The following MYH10 variants were observed in gnomAD, a reference collection of about 807,000 sequenced individuals.
MYH10 encodes the protein myosin heavy chain 10.
MYH10 carries 55 observed loss-of-function variants against 257.8 expected under a neutral mutation model. The observed-to-expected ratio is 0.21, with a 90% confidence interval of 0.17 to 0.27. The LOEUF is 0.27. Among genes scored for constraint, MYH10 ranks in the 10% least tolerant of loss-of-function variants. MYH10 has a pLI of 1.00. For missense variants in MYH10, 1,631 were observed against 2,500.6 expected, an observed-to-expected ratio of 0.65 and a Z score of 7.42; for synonymous variants, 854 against 921.7, an observed-to-expected ratio of 0.93 and a Z score of 1.33.
At chr17:8,548,050 T>G (rs1206929263) in intron 11 of MYH10, among the ~76,000 whole-genome samples, 1 of 152,058 alleles carries the variant, frequency 6.6e-6, no homozygotes, top group African/African-American at 2.4e-5. Flanking sequence ...TGTGACCTCC[T>G]GCGGCTGAGT....
intron 1 of MYH10, among the ~76,000 whole-genome samples, chr17:8,629,245 GCCAAAGTATTATGTTTGGTATTA>G (rs1461690325): frequency 6.6e-6 from 1 of 152,202 alleles, no homozygotes; most frequent in African/African-American, 2.4e-5. Flanking sequence ...TCTCAGCAAA[GCCAAAGTATTATGTTTGGTATTA>G]CATTATTCAG....
At position 8,475,958 on chromosome 17, in the gene MYH10, A is replaced by G; in HGVS notation, c.5880-10T>C. The G allele has an allele frequency of 6.2e-7, 1 of 1,611,228 alleles. No individual in the cohort carries two copies. The highest frequency in any genetic ancestry group is 8.5e-7 in the Non-Finnish European group (1 of 1,179,394). On this transcript the variant is annotated splice_polypyrimidine_tract_variant and intron_variant, in intron 42 of 42. Coordinates refer to ENST00000360416, the MANE Select transcript of MYH10 (RefSeq NM_001256012.3). ...GATGGGGCCACCCCGCCTGGAGAAC[A>G]CAGGAAGCAGATGTGTGTGGGTAAA...
intron 34 of MYH10, among the ~76,000 whole-genome samples, chr17:8,491,505 G>A (rs1268039299): frequency 1.3e-5 from 2 of 152,226 alleles, no homozygotes; most frequent in Admixed American, 1.3e-4. Context: ...ATGGCCCATA[G>A]CACATGAAAA....
intron 7 of MYH10, among the ~76,000 whole-genome samples, chr17:8,565,428 A>G (rs996146770): frequency 6.6e-6 from 1 of 152,244 alleles, no homozygotes; most frequent in Non-Finnish European, 1.5e-5. Context: ...TACTGAGATC[A>G]ACTACTTGTT....
chr17:8,480,630 C>T, intron 38 of MYH10, 105 bp from the exon 39 acceptor site: 1 of 1,479,252 alleles, frequency 6.8e-7, no homozygotes, highest in African/African-American at 1.4e-5. Flanking sequence ...CCTGAGCAGC[C>T]ATCCTGAATT....
At position 8,484,179 on chromosome 17, in the gene MYH10, T is replaced by C; in HGVS notation, c.5134A>G (p.Lys1712Glu). The C allele has an allele frequency of 2.5e-6, 4 of 1,609,586 alleles. No individual in the cohort carries two copies. The highest frequency in any genetic ancestry group is 3.4e-6 in the Non-Finnish European group (4 of 1,178,670). ...IFAQSKESEK[K>E]LKSLEAEILQ... is the part of the protein sequence containing the mutation. ...ATTTCTGCTTCCAGACTCTTCAATT[T>C]CTTTTCACTCTCTTTGGATTGAGCA... The change falls in exon 37 of 43, where the codon AAA becomes GAA. Residue 1712 changes from lysine to glutamate, a missense_variant. By Grantham distance (56) the Lys-to-Glu change is moderately conservative. This residue lies in a region of MYH10 where 6 missense variants were observed against 20.5 expected (regional missense o/e 0.29). Coordinates refer to ENST00000360416, the MANE Select transcript of MYH10 (RefSeq NM_001256012.3).
At chr17:8,491,622 GC>G (rs1915791174) in intron 34 of MYH10, among the ~76,000 whole-genome samples, 1 of 152,190 alleles carries the variant, frequency 6.6e-6, no homozygotes, top group Admixed American at 6.5e-5. Context: ...GGAAACTTAG[GC>G]TTCAAAAGCT....
At chr17:8,560,954 G>C in intron 7 of MYH10, 2 of 473,254 alleles carry the variant, frequency 4.2e-6, no homozygotes, top group Non-Finnish European at 3.9e-6. Flanking sequence ...TGCCAACTGC[G>C]GACAACTCTA....
chr17:8,524,100 AG>A (rs1263079270), intron 17 of MYH10, among the ~76,000 whole-genome samples: 1 of 152,028 alleles, frequency 6.6e-6, no homozygotes, highest in Admixed American at 6.6e-5. Context: ...AAAGAGATGG[AG>A]GGCCTAAGAC....
intron 7 of MYH10, among the ~76,000 whole-genome samples, chr17:8,559,717 A>G (rs549695588): frequency 2.4e-4 from 36 of 152,232 alleles, no homozygotes; most frequent in Admixed American, 2.2e-3. Context: ...GTTTTTTGGA[A>G]GACCCCTAAG....
chr17:8,503,214 C>T (rs2080960108), intron 28 of MYH10, among the ~76,000 whole-genome samples: 1 of 152,116 alleles, frequency 6.6e-6, no homozygotes, highest in East Asian at 1.9e-4. Context: ...ACCCGGGAGG[C>T]GGAGGTTGCA....
chr17:8,566,069 TTGGCC>T (rs2083158354), intron 7 of MYH10, among the ~76,000 whole-genome samples: 1 of 152,164 alleles, frequency 6.6e-6, no homozygotes, highest in Admixed American at 6.5e-5. Flanking sequence ...AGCAGCATCC[TTGGCC>T]TCTACCAACT....
intron 3 of MYH10, among the ~76,000 whole-genome samples, chr17:8,602,697 G>C (rs1057301968): frequency 6.6e-6 from 1 of 152,140 alleles, no homozygotes; most frequent in African/African-American, 2.4e-5. Flanking sequence ...CTTTCACATG[G>C]AGGTTTATTA....
chr17:8,558,662 T>C (rs561884910), intron 7 of MYH10, among the ~76,000 whole-genome samples: 6 of 152,382 alleles, frequency 3.9e-5, no homozygotes, highest in Admixed American at 2.6e-4. Flanking sequence ...CCCTTCTCTC[T>C]TCTGCCAGTA....
chr17:8,630,253 G>A (rs2085861878), intron 1 of MYH10, among the ~76,000 whole-genome samples: 1 of 148,340 alleles, frequency 6.7e-6, no homozygotes, highest in Admixed American at 6.7e-5. Context: ...TCGACCTCGC[G>A]CCCCCAGGGA....
chr17:8,524,917 T>C (rs1199339812), intron 17 of MYH10, among the ~76,000 whole-genome samples: 1 of 152,198 alleles, frequency 6.6e-6, no homozygotes, highest in Non-Finnish European at 1.5e-5. Context: ...TGGGTGATTC[T>C]GGGGCAAGTG....
Position 8,512,503 on chromosome 17 carries a change from T to C in MYH10, c.2900A>G (p.Glu967Gly). The C allele has an allele frequency of 1.9e-6, 3 of 1,594,922 alleles. No individual in the cohort carries two copies. Among genetic ancestry groups the C allele is most frequent in the Non-Finnish European group, 2.6e-6 (3 of 1,167,302 alleles). ...TTCATTTTGGAGGATTTGGTTTCTT[T>C]CTTCTTCTTCTTCAACCCTAGACTC... is the stretch of plus-strand genomic sequence containing the variant. ...DLESRVEEEEERNQILQNEKK... is the reference protein window; with the variant it reads ...DLESRVEEEEGRNQILQNEKK... The change falls in exon 24 of 43, where the codon GAA becomes GGA. Residue 967 changes from glutamate (E) to glycine (G), a missense_variant. Glu to Gly is a moderately conservative substitution (Grantham distance 98, BLOSUM62 -2). Coordinates refer to ENST00000360416, the MANE Select transcript of MYH10 (RefSeq NM_001256012.3).
intron 23 of MYH10, 27 bp downstream of exon 23, chr17:8,513,511 T>G: frequency 6.2e-7 from 1 of 1,612,576 alleles, no homozygotes; most frequent in Non-Finnish European, 8.5e-7. Context: ...CAGGGCCAAG[T>G]GTGAGTTACA....
chr17:8,508,516 T>C (rs374613881), intron 26 of MYH10, 38 bp downstream of exon 26: 1 of 1,612,632 alleles, frequency 6.2e-7, no homozygotes, highest in East Asian at 2.2e-5. Context: ...AACACTCACA[T>C]GTCCTAGTCC....
Sources: gnomAD v4.1 joint callset for allele counts (sites outside exome capture counted in the v4.1 genomes callset) on GRCh38, gnomAD v4.1.1 for gene constraint, gnomAD v4.1.1 regional missense constraint, MANE v1.5 for transcripts, NCBI Gene and HGNC (gene_info 2026-07-23, HGNC 2026-07-21) for gene names.